MRAP2: variants seen among roughly 807,000 people sequenced by gnomAD.
MRAP2 encodes melanocortin 2 receptor accessory protein 2.
A neutral mutation model predicts 17.4 loss-of-function variants in MRAP2; 20 were observed. That is an observed-to-expected ratio of 1.15 (90% CI 0.81 to 1.67). MRAP2 has a LOEUF of 1.67. MRAP2 is among the 40% of genes most tolerant of loss of function. The pLI is 0.00. For synonymous variants in MRAP2, 96 were observed against 88.4 expected (o/e 1.09, Z -0.48); for missense variants, 238 against 240.0 (o/e 0.99, Z 0.05).
the MRAP2 span, among the ~76,000 whole-genome samples, chr6:84,135,559 T>C: frequency 4.6e-3 from 696 of 152,308 alleles, 3 homozygotes; most frequent in Non-Finnish European, 5.8e-3. Context: ...TATTCCTATT[T>C]TTATTACTTT....
At chr6:84,073,241 C>T (rs548048455) in intron 3 of MRAP2, among the ~76,000 whole-genome samples, 94 of 152,276 alleles carry the variant, frequency 6.2e-4, no homozygotes, top group South Asian at 2.7e-3. Flanking sequence ...GTGGACCCAG[C>T]GAGCGCCCAG....
chr6:84,137,600 A>G, the MRAP2 span, among the ~76,000 whole-genome samples: 1 of 152,170 alleles, frequency 6.6e-6, no homozygotes, highest in Non-Finnish European at 1.5e-5. Context: ...CTAATAATAG[A>G]AAAAATATGA....
chr6:84,094,895 G>A (rs2099502404), downstream of MRAP2, among the ~76,000 whole-genome samples: 1 of 152,048 alleles, frequency 6.6e-6, no homozygotes, highest in Admixed American at 6.6e-5. Context: ...ACTTCCCTCT[G>A]AGTCCTCACT....
rs112930178 is a variant in MRAP2 at position 84,044,623 on chromosome 6, C to A, written c.-7-10689C>A. Among the ~76,000 whole-genome samples, 982 of 152,326 alleles carry A rather than the reference C, an allele frequency of 6.4e-3. 16 individuals are homozygous for A. Among genetic ancestry groups the A allele is most frequent in the African/African-American group, 0.022 (919 of 41,572 alleles). On this transcript the variant is annotated intron_variant, in intron 1 of 3. Coordinates refer to ENST00000257776, the MANE Select transcript of MRAP2 (RefSeq NM_138409.4). ...ACAGTTGTCCCTCTGTGCATGGGCT[C>A]CCCTGATGCCTTTCTCTCTGTGTCC... is the stretch of plus-strand genomic sequence containing the variant.
the MRAP2 span, among the ~76,000 whole-genome samples, chr6:84,130,469 T>A: frequency 6.6e-6 from 1 of 152,224 alleles, no homozygotes; most frequent in Non-Finnish European, 1.5e-5. Context: ...AGAATTCGGC[T>A]GTGCACCCAT....
intron 1 of MRAP2, among the ~76,000 whole-genome samples, chr6:84,045,483 C>A (rs2099488753): frequency 6.6e-6 from 1 of 152,104 alleles, no homozygotes; most frequent in South Asian, 2.1e-4. Flanking sequence ...TACACACAGG[C>A]TGGGCACAGT....
At chr6:84,073,529 T>C in intron 3 of MRAP2, among the ~76,000 whole-genome samples, 1 of 152,174 alleles carries the variant, frequency 6.6e-6, no homozygotes, top group African/African-American at 2.4e-5. Context: ...GATCTGGAGC[T>C]AAAATTCAGT....
At chr6:84,065,691 G>A (rs1282073854) in intron 3 of MRAP2, among the ~76,000 whole-genome samples, 1 of 152,208 alleles carries the variant, frequency 6.6e-6, no homozygotes, top group Non-Finnish European at 1.5e-5. Context: ...GAAATAGAAT[G>A]TGACTTCCTG....
the MRAP2 span, among the ~76,000 whole-genome samples, chr6:84,139,451 A>G: frequency 6.6e-6 from 1 of 152,142 alleles, no homozygotes; most frequent in African/African-American, 2.4e-5. Flanking sequence ...TTCTCTTGTT[A>G]ATCTGTCTTT....
rs6936939 is a variant in MRAP2 at position 84,041,081 on chromosome 6, A to T, written c.-8+7198A>T. On this transcript the variant is annotated intron_variant, in intron 1 of 3. Coordinates refer to ENST00000257776, the MANE Select transcript of MRAP2 (RefSeq NM_138409.4). ...GGTTCAGGCCCCCCCTGCTGCGTGC[A>T]GTCTAGAGACTTGGTGCCCTGCATC... is the stretch of plus-strand genomic sequence containing the variant. Among the ~76,000 whole-genome samples the T allele has an allele frequency of 6.4e-3, 979 of 152,314 alleles. 17 individuals are homozygous for T. The highest frequency in any genetic ancestry group is 0.022 in the African/African-American group (916 of 41,574).
chr6:84,093,337 G>C (rs1403645968), downstream of MRAP2, among the ~76,000 whole-genome samples: 1 of 152,116 alleles, frequency 6.6e-6, no homozygotes, highest in Non-Finnish European at 1.5e-5. Flanking sequence ...GAGGCACCAG[G>C]GTGAAACAAT....
chr6:84,134,094 G>C, the MRAP2 span, among the ~76,000 whole-genome samples: 1 of 152,198 alleles, frequency 6.6e-6, no homozygotes, highest in African/African-American at 2.4e-5. Context: ...CGGCTATGGC[G>C]GCTTTGCCAA....
At chr6:84,035,785 C>T (rs77230435) in intron 1 of MRAP2, among the ~76,000 whole-genome samples, 127 of 152,254 alleles carry the variant, frequency 8.3e-4, no homozygotes, top group African/African-American at 2.8e-3. Flanking sequence ...GAAAGCTGTT[C>T]GCTTCCTCCT....
Position 84,089,547 on chromosome 6 carries a change from C to T in MRAP2, c.*66C>T, listed in dbSNP as rs2099501331. 2 of 1,526,992 alleles carry T rather than the reference C, an allele frequency of 1.3e-6. No homozygotes were observed. Among genetic ancestry groups the T allele is most frequent in the Non-Finnish European group, 1.8e-6 (2 of 1,129,494 alleles). The allele number at this position is 1,526,992 out of a possible 1,614,324, so 94.6% of individuals were successfully genotyped here. ...CTATCTTTATGTAGCAAGAAATCTA[C>T]ATCCACCAAAATTGTGTGTGTTTGG... On this transcript the variant is annotated 3_prime_UTR_variant, in exon 4 of 4. Coordinates refer to ENST00000257776, the MANE Select transcript of MRAP2 (RefSeq NM_138409.4).
At chr6:84,078,242 A>G (rs373429146) in intron 3 of MRAP2, among the ~76,000 whole-genome samples, 9 of 152,356 alleles carry the variant, frequency 5.9e-5, no homozygotes, top group Admixed American at 3.9e-4. Context: ...CACATAACTG[A>G]CAAAGAACTC....
chr6:84,102,607 A>G, the MRAP2 span, among the ~76,000 whole-genome samples: 5 of 152,202 alleles, frequency 3.3e-5, no homozygotes, highest in East Asian at 9.6e-4. Context: ...CATTTGACCT[A>G]CAGAACTGTA....
At chr6:84,102,062 G>A in the MRAP2 span, among the ~76,000 whole-genome samples, 3 of 152,158 alleles carry the variant, frequency 2.0e-5, no homozygotes, top group Non-Finnish European at 2.9e-5. Flanking sequence ...AGAGAAGGAT[G>A]TGATCAGGAA....
chr6:84,135,489 T>A, the MRAP2 span, among the ~76,000 whole-genome samples: 1 of 150,350 alleles, frequency 6.7e-6, no homozygotes, highest in East Asian at 1.9e-4. Context: ...CTTTGTTCTC[T>A]TACTTGTTGG....
the MRAP2 span, among the ~76,000 whole-genome samples, chr6:84,145,285 C>T: frequency 3.3e-5 from 5 of 152,178 alleles, no homozygotes; most frequent in East Asian, 3.9e-4. Context: ...CTTTGGCATG[C>T]GTTTCTAGCC....
Sources: allele counts gnomAD v4.1 joint callset (sites outside exome capture counted in the v4.1 genomes callset), GRCh38; gene constraint gnomAD v4.1.1; transcripts MANE v1.5; gene names NCBI Gene and HGNC (gene_info 2026-07-23, HGNC 2026-07-21).